WWOX: variants seen among roughly 807,000 people sequenced by gnomAD.
WWOX encodes the protein WW domain containing oxidoreductase.
Under a neutral mutation model 46.2 loss-of-function variants are expected in WWOX, and 69 were observed. That is an observed-to-expected ratio of 1.49 (90% CI 1.23 to 1.82). WWOX has a LOEUF of 1.82. Ranked by LOEUF, WWOX falls within the 40% of genes most tolerant of loss-of-function variation. The pLI, the probability that WWOX is intolerant of heterozygous loss-of-function variation, is 0.00. For synonymous variants in WWOX, 359 were observed against 202.6 expected, an observed-to-expected ratio of 1.77 and a Z score of -6.56; for missense variants, 919 against 542.6, an observed-to-expected ratio of 1.69 and a Z score of -6.89.
chr16:78,941,318 G>A (rs1413880760), intron 8 of WWOX, among the ~76,000 whole-genome samples: 2 of 152,152 alleles, frequency 1.3e-5, no homozygotes, highest in African/African-American at 2.4e-5. Flanking sequence ...TAGGGATGTC[G>A]CGCATGTTGA....
intron 8 of WWOX, among the ~76,000 whole-genome samples, chr16:79,020,026 T>C (rs1470138931): frequency 6.6e-6 from 1 of 152,202 alleles, no homozygotes; most frequent in African/African-American, 2.4e-5. Flanking sequence ...TAACATGCCT[T>C]ATCTGACATG....
chr16:78,533,995 A>C (rs1001344049), intron 8 of WWOX, among the ~76,000 whole-genome samples: 2 of 152,214 alleles, frequency 1.3e-5, no homozygotes, highest in Admixed American at 6.5e-5. Context: ...AGTATTTGCC[A>C]AAACTAGAGG....
intron 8 of WWOX, among the ~76,000 whole-genome samples, chr16:78,612,151 C>T (rs962451112): frequency 2.0e-5 from 3 of 152,206 alleles, no homozygotes; most frequent in African/African-American, 7.2e-5. Context: ...AATTTGCTTA[C>T]AGCACAGTGA....
chr16:78,860,139 T>C (rs2052681995), intron 8 of WWOX, among the ~76,000 whole-genome samples: 1 of 152,256 alleles, frequency 6.6e-6, no homozygotes. Context: ...GCTCCCATCC[T>C]TATTCCATCG....
At chr16:78,827,846 AAACAACAAC>A (rs201805300) in intron 8 of WWOX, among the ~76,000 whole-genome samples, 3 of 152,094 alleles carry the variant, frequency 2.0e-5, no homozygotes, top group Non-Finnish European at 4.4e-5. Context: ...TTTCAGAGAA[AAACAACAAC>A]AACAAAACAT....
intron 5 of WWOX, among the ~76,000 whole-genome samples, chr16:78,211,001 A>T (rs939409964): frequency 6.6e-6 from 1 of 152,210 alleles, no homozygotes; most frequent in Admixed American, 6.5e-5. Context: ...TCTTTATTTC[A>T]TTCTCTTCAC....
At chr16:78,964,570 C>G (rs868074553) in intron 8 of WWOX, among the ~76,000 whole-genome samples, 8 of 152,158 alleles carry the variant, frequency 5.3e-5, no homozygotes, top group Admixed American at 2.6e-4. Context: ...AGCAGAGCAT[C>G]AAGGTTTGGA....
At chr16:78,471,547 T>G (rs755707145) in intron 8 of WWOX, among the ~76,000 whole-genome samples, 1 of 152,234 alleles carries the variant, frequency 6.6e-6, no homozygotes, top group Non-Finnish European at 1.5e-5. Context: ...CTCAGAACTT[T>G]ACATCCTCCA....
At chr16:78,668,905 A>C (rs1408033761) in intron 8 of WWOX, among the ~76,000 whole-genome samples, 1 of 152,148 alleles carries the variant, frequency 6.6e-6, no homozygotes, top group African/African-American at 2.4e-5. Context: ...GGGCCTCCAC[A>C]TAGGGTATGC....
rs149668108 is a variant in WWOX at position 78,909,500 on chromosome 16, G to A, written c.1057-302108G>A. Among the ~76,000 whole-genome samples, 126 of 152,282 alleles carry A rather than the reference G, an allele frequency of 8.3e-4. 1 individual carries two copies. Among genetic ancestry groups the A allele is most frequent in the Non-Finnish European group, 1.5e-3 (104 of 68,018 alleles). ...ATTTCATGTCCTGAAAAGTGTGCAC[G>A]GTTGGCCTCCTCTAGGTCCCACGTG... On this transcript the variant is annotated intron_variant, in intron 8 of 8. Transcript: ENST00000566780.
chr16:79,172,319 C>A (rs1284643344), intron 8 of WWOX, among the ~76,000 whole-genome samples: 1 of 152,188 alleles, frequency 6.6e-6, no homozygotes, highest in African/African-American at 2.4e-5. Flanking sequence ...TGCTTTCGTG[C>A]AGGAAGCGCG....
At chr16:78,996,446 A>G in intron 8 of WWOX, 1 of 567,438 alleles carries the variant, frequency 1.8e-6, no homozygotes, top group African/African-American at 2.1e-5. Context: ...AGGCATATTC[A>G]AAGTGCTCAG....
At chr16:79,011,543 G>A (rs2047310093) in intron 8 of WWOX, among the ~76,000 whole-genome samples, 1 of 150,196 alleles carries the variant, frequency 6.7e-6, no homozygotes, top group Non-Finnish European at 1.5e-5. Flanking sequence ...CCAGGCTGGA[G>A]TGCAGTGACA....
chr16:79,115,223 C>A (rs904338353), intron 8 of WWOX, among the ~76,000 whole-genome samples: 2 of 152,186 alleles, frequency 1.3e-5, no homozygotes, highest in African/African-American at 4.8e-5. Flanking sequence ...CTTTACTTGG[C>A]TGGAATTCTC....
intron 8 of WWOX, among the ~76,000 whole-genome samples, chr16:78,518,239 GT>G (rs1429176865): frequency 6.6e-6 from 1 of 151,980 alleles, no homozygotes; most frequent in East Asian, 1.9e-4. Flanking sequence ...TTTTTTGTTT[GT>G]TTGTTTTTTG....
intron 8 of WWOX, among the ~76,000 whole-genome samples, chr16:79,029,864 T>G (rs57248849): frequency 0.057 from 8,647 of 152,250 alleles, 309 homozygotes; most frequent in South Asian, 0.17. Flanking sequence ...TTCAACAGTG[T>G]TTTAACTATC....
chr16:78,919,574 A>G (rs372989494), intron 8 of WWOX, among the ~76,000 whole-genome samples: 88 of 143,066 alleles, frequency 6.2e-4, no homozygotes, highest in African/African-American at 1.8e-3. Context: ...ATGGAGCACA[A>G]TGGCGCGATC....
At chr16:78,698,806 C>T (rs189778073) in intron 8 of WWOX, among the ~76,000 whole-genome samples, 18 of 152,286 alleles carry the variant, frequency 1.2e-4, no homozygotes, top group Admixed American at 5.9e-4. Context: ...ATACCTGTGA[C>T]TAGCCACTGC....
chr16:78,121,088 A>C (rs892562082), intron 4 of WWOX, among the ~76,000 whole-genome samples: 1 of 152,050 alleles, frequency 6.6e-6, no homozygotes, highest in African/African-American at 2.4e-5. Flanking sequence ...AGATCATTGC[A>C]CTTGGGATCT....
Sources: gnomAD v4.1 joint callset for allele counts (sites outside exome capture counted in the v4.1 genomes callset) on GRCh38, gnomAD v4.1.1 for gene constraint, MANE v1.5 for transcripts, NCBI Gene and HGNC (gene_info 2026-07-23, HGNC 2026-07-21) for gene names.